PLPPR5: variants seen among roughly 807,000 people sequenced by gnomAD.
PLPPR5 encodes the protein phospholipid phosphatase related 5.
A neutral mutation model predicts 33.9 loss-of-function variants in PLPPR5; 16 were observed. The ratio of observed to expected loss-of-function variants is 0.47; its 90% CI spans 0.32 to 0.72. PLPPR5 has a LOEUF of 0.72. PLPPR5 is among the 30% of genes least tolerant of loss of function. PLPPR5 has a pLI of 0.03. For missense variants in PLPPR5, 301 were observed against 406.7 expected, an observed-to-expected ratio of 0.74 and a Z score of 2.23; for synonymous variants, 163 against 150.3, an observed-to-expected ratio of 1.08 and a Z score of -0.62.
At chr1:98,985,271 G>A (rs972807726) in intron 1 of PLPPR5, among the ~76,000 whole-genome samples, 2 of 151,986 alleles carry the variant, frequency 1.3e-5, no homozygotes, top group African/African-American at 4.8e-5. Context: ...AGGCAGATAA[G>A]GGGAATTCAG....
intron 1 of PLPPR5, among the ~76,000 whole-genome samples, chr1:98,973,371 A>G (rs1280373220): frequency 1.3e-5 from 2 of 151,974 alleles, no homozygotes; most frequent in African/African-American, 4.8e-5. Context: ...GGAAGAGAAT[A>G]CCTTAAATTA....
At chr1:98,939,995 G>A (rs1231692600) in intron 3 of PLPPR5, among the ~76,000 whole-genome samples, 2 of 151,864 alleles carry the variant, frequency 1.3e-5, no homozygotes, top group Admixed American at 6.6e-5. Context: ...GGAAATGTAG[G>A]CTGAGAGAAT....
intron 1 of PLPPR5, among the ~76,000 whole-genome samples, chr1:98,985,664 T>C (rs1162598125): frequency 6.6e-6 from 1 of 152,016 alleles, no homozygotes; most frequent in Admixed American, 6.6e-5. Flanking sequence ...TTATACCATA[T>C]TTTTACTGTA....
chr1:98,949,706 A>G (rs1324047746), intron 3 of PLPPR5, among the ~76,000 whole-genome samples: 1 of 152,208 alleles, frequency 6.6e-6, no homozygotes, highest in Non-Finnish European at 1.5e-5. Flanking sequence ...GGGAAAAAAT[A>G]TATTTGTATG....
At chr1:98,919,852 G>A (rs902146354) in intron 4 of PLPPR5, among the ~76,000 whole-genome samples, 4 of 152,062 alleles carry the variant, frequency 2.6e-5, no homozygotes, top group African/African-American at 9.7e-5. Flanking sequence ...TCACAAATTC[G>A]CTGAACATGC....
intron 1 of PLPPR5, among the ~76,000 whole-genome samples, chr1:98,965,734 T>C (rs1651424881): frequency 6.6e-6 from 1 of 152,192 alleles, no homozygotes; most frequent in South Asian, 2.1e-4. Flanking sequence ...AAACTCCAAA[T>C]AGCTCTATGT....
At chr1:98,965,186 T>C (rs544376608) in intron 1 of PLPPR5, among the ~76,000 whole-genome samples, 1 of 152,124 alleles carries the variant, frequency 6.6e-6, no homozygotes, top group East Asian at 1.9e-4. Flanking sequence ...CCCCTCCCTA[T>C]TGCAATCTGA....
At chr1:98,983,717 G>T (rs1652143122) in intron 1 of PLPPR5, among the ~76,000 whole-genome samples, 1 of 151,648 alleles carries the variant, frequency 6.6e-6, no homozygotes, top group African/African-American at 2.4e-5. Context: ...GTGTAAAAGT[G>T]TTCCTATTTC....
In PLPPR5 at chr1:98,892,957, A is replaced by C. The variant is rs769543421; in HGVS notation, c.*115T>G. On this transcript the variant is annotated 3_prime_UTR_variant, in exon 6 of 6. Transcript: ENST00000263177. The stretch of plus-strand genomic sequence containing the variant: ...GGTTGACATTGATTTTAAAATTATA[A>C]AAATTATTAAACAACTTTATAAACT... 416 of 1,032,038 alleles carry C rather than the reference A, an allele frequency of 4.0e-4. No homozygotes were observed. Among genetic ancestry groups the C allele is most frequent in the Non-Finnish European group, 5.6e-4 (388 of 693,744 alleles). The allele number at this position is 1,032,038 out of a possible 1,614,324, so 63.9% of individuals were successfully genotyped here.
chr1:98,965,942 C>A (rs913157219), intron 1 of PLPPR5, among the ~76,000 whole-genome samples: 1 of 152,076 alleles, frequency 6.6e-6, no homozygotes, highest in Non-Finnish European at 1.5e-5. Flanking sequence ...AAATAATATC[C>A]AAAAAGCAAA....
intron 3 of PLPPR5, among the ~76,000 whole-genome samples, chr1:98,926,505 A>C (rs1649770006): frequency 1.4e-5 from 2 of 140,146 alleles, no homozygotes; most frequent in African/African-American, 5.4e-5. Context: ...TGTTTTAATA[A>C]CTTCATAGCA....
intron 3 of PLPPR5, among the ~76,000 whole-genome samples, chr1:98,950,538 A>G (rs1480956223): frequency 6.6e-6 from 1 of 152,216 alleles, no homozygotes; most frequent in African/African-American, 2.4e-5. Context: ...TGCATAAACA[A>G]TAATACTGTC....
chr1:98,933,958 G>T (rs1002621606), intron 3 of PLPPR5, among the ~76,000 whole-genome samples: 3 of 152,182 alleles, frequency 2.0e-5, no homozygotes, highest in African/African-American at 7.2e-5. Context: ...AAAGGAGAGG[G>T]GGTAGTGTCC....
intron 1 of PLPPR5, among the ~76,000 whole-genome samples, chr1:98,959,074 G>A (rs1359824945): frequency 2.6e-5 from 4 of 152,318 alleles, no homozygotes; most frequent in African/African-American, 9.6e-5. Context: ...CAATAGATCA[G>A]AATGTCCTAG....
chr1:98,967,295 C>T (rs578249283), intron 1 of PLPPR5, among the ~76,000 whole-genome samples: 1 of 152,200 alleles, frequency 6.6e-6, no homozygotes, highest in Admixed American at 6.5e-5. Context: ...TTAACCAATG[C>T]TCAGCACCCA....
At chr1:98,983,083 A>G (rs889097840) in intron 1 of PLPPR5, among the ~76,000 whole-genome samples, 1 of 27,514 alleles carries the variant, frequency 3.6e-5, no homozygotes, top group African/African-American at 2.6e-4. Context: ...GAGGGCATAA[A>G]CTCCATTTTT....
intron 1 of PLPPR5, among the ~76,000 whole-genome samples, chr1:98,976,192 G>A (rs1036092364): frequency 2.6e-5 from 4 of 151,118 alleles, no homozygotes; most frequent in African/African-American, 9.7e-5. Context: ...AAAGGAAGAG[G>A]AGTTGGGGAG....
intron 5 of PLPPR5, among the ~76,000 whole-genome samples, chr1:98,905,950 G>A (rs1284471145): frequency 6.6e-6 from 1 of 151,970 alleles, no homozygotes; most frequent in African/African-American, 2.4e-5. Context: ...ACTCCATCTA[G>A]AATAGATAGA....
intron 1 of PLPPR5, among the ~76,000 whole-genome samples, chr1:98,989,151 G>A (rs1652363395): frequency 6.6e-6 from 1 of 152,078 alleles, no homozygotes; most frequent in Non-Finnish European, 1.5e-5. Flanking sequence ...TAGGAACTCA[G>A]TTGCAAAAAG....
Sources: allele counts gnomAD v4.1 joint callset (sites outside exome capture counted in the v4.1 genomes callset), GRCh38; gene constraint gnomAD v4.1.1; transcripts MANE v1.5; gene names NCBI Gene and HGNC (gene_info 2026-07-23, HGNC 2026-07-21).